TENM3: variants seen among roughly 807,000 people sequenced by gnomAD.
TENM3 encodes teneurin-3.
A neutral mutation model predicts 255.1 loss-of-function variants in TENM3; 63 were observed. That is an observed-to-expected ratio of 0.25 (90% CI 0.20 to 0.30). The LOEUF (loss-of-function observed/expected upper bound fraction) is 0.30, where lower values mean the gene tolerates loss of function less well. Ranked by LOEUF, TENM3 falls within the 10% of genes least tolerant of loss-of-function variation. The probability of loss-of-function intolerance (pLI) is 1.00; values close to 1 mark genes in which losing one functional copy is unlikely to be tolerated. For synonymous variants in TENM3, 1,306 were observed against 1,322.3 expected (o/e 0.99, Z 0.27); for missense variants, 2,929 against 3,461.1 (o/e 0.85, Z 3.86).
At chr4:182,356,553 G>A (rs1205942309) in intron 3 of TENM3, among the ~76,000 whole-genome samples, 1 of 151,240 alleles carries the variant, frequency 6.6e-6, no homozygotes, top group Non-Finnish European at 1.5e-5. Flanking sequence ...TTAAGGAAAG[G>A]GACGGAGCGG....
At chr4:182,368,809 G>A (rs2150839217) in intron 3 of TENM3, among the ~76,000 whole-genome samples, 1 of 152,296 alleles carries the variant, frequency 6.6e-6, no homozygotes. Flanking sequence ...GGCATGTGCA[G>A]CCCATCTGTA....
the TENM3 span, among the ~76,000 whole-genome samples, chr4:181,587,083 A>G: frequency 1.3e-5 from 2 of 152,176 alleles, no homozygotes; most frequent in Admixed American, 1.3e-4. Context: ...CCTCCTGTTT[A>G]ACCAACAAAC....
In TENM3 at chr4:182,680,632, G is replaced by A. The variant is rs572633385; in HGVS notation, c.1729G>A (p.Val577Met). Residue 577 changes from valine (V) to methionine (M), a missense_variant, in exon 10 of 28, where the codon GTG (valine) becomes ATG (methionine). By Grantham distance (21) the Val-to-Met change is conservative (BLOSUM62 1). Coordinates refer to ENST00000511685, the MANE Select transcript of TENM3 (RefSeq NM_001080477.4). ...FSGWKGTECD[V>M]PTTQCIDPQC... is the part of the protein sequence containing the mutation. ...CGGCTGGAAGGGCACCGAGTGTGAT[G>A]TGCCGACTACCCAGTGTATTGACCC... 4 of 1,613,602 alleles carry A rather than the reference G, an allele frequency of 2.5e-6. No individual in the cohort carries two copies. In the East Asian group the frequency reaches 6.7e-5, roughly 27 times the overall value.
intron 1 of TENM3, among the ~76,000 whole-genome samples, chr4:182,146,509 C>T (rs1269107349): frequency 6.6e-6 from 1 of 152,096 alleles, no homozygotes; most frequent in Non-Finnish European, 1.5e-5. Context: ...CTTCCTGTTG[C>T]ATTTCCCTTA....
the TENM3 span, among the ~76,000 whole-genome samples, chr4:181,629,412 G>A: frequency 1.3e-5 from 2 of 152,132 alleles, no homozygotes; most frequent in Non-Finnish European, 2.9e-5. Context: ...CCTGTCTTGT[G>A]CCAGTTTTCA....
chr4:181,449,235 C>A, the TENM3 span, among the ~76,000 whole-genome samples: 4 of 152,078 alleles, frequency 2.6e-5, no homozygotes, highest in Admixed American at 2.6e-4. Context: ...CAAATCAAGA[C>A]GGTGCAGTTT....
intron 22 of TENM3, among the ~76,000 whole-genome samples, chr4:182,762,938 A>T (rs1274290974): frequency 6.6e-6 from 1 of 152,154 alleles, no homozygotes; most frequent in Non-Finnish European, 1.5e-5. Context: ...TTCAAAAAAG[A>T]TTTCCTAGAC....
intron 3 of TENM3, among the ~76,000 whole-genome samples, chr4:182,481,772 G>C (rs1026880089): frequency 6.6e-6 from 1 of 152,116 alleles, no homozygotes; most frequent in Non-Finnish European, 1.5e-5. Context: ...TGCAGCCTGG[G>C]CAACAGAGTG....
chr4:181,652,002 T>C, the TENM3 span, among the ~76,000 whole-genome samples: 8 of 152,212 alleles, frequency 5.3e-5, no homozygotes, highest in Admixed American at 3.9e-4. Flanking sequence ...CATGTGCATC[T>C]CATACTTGTG....
the TENM3 span, among the ~76,000 whole-genome samples, chr4:181,614,294 G>C: frequency 6.6e-6 from 1 of 151,982 alleles, no homozygotes; most frequent in Non-Finnish European, 1.5e-5. Flanking sequence ...CCTGCAAACT[G>C]CCTGCCTAGT....
chr4:181,799,672 C>A, the TENM3 span, among the ~76,000 whole-genome samples: 2 of 152,134 alleles, frequency 1.3e-5, no homozygotes, highest in African/African-American at 4.8e-5. Context: ...AAGAGGCTAG[C>A]GCATTAAGAC....
chr4:181,877,782 G>A, the TENM3 span, among the ~76,000 whole-genome samples: 1 of 152,146 alleles, frequency 6.6e-6, no homozygotes, highest in Non-Finnish European at 1.5e-5. Flanking sequence ...CCTTAAGGAA[G>A]TACCACATGC....
intron 19 of TENM3, among the ~76,000 whole-genome samples, chr4:182,744,464 G>A (rs1168148241): frequency 3.3e-5 from 5 of 151,972 alleles, no homozygotes; most frequent in Non-Finnish European, 5.9e-5. Context: ...GTTACTGACC[G>A]ACACAATCTA....
the TENM3 span, among the ~76,000 whole-genome samples, chr4:181,645,151 G>A: frequency 3.0e-4 from 45 of 152,290 alleles, no homozygotes; most frequent in Admixed American, 5.9e-4. Flanking sequence ...TTTCTAGGGC[G>A]AAAAATGAAA....
At chr4:181,927,042 C>G in the TENM3 span, among the ~76,000 whole-genome samples, 1 of 152,182 alleles carries the variant, frequency 6.6e-6, no homozygotes, top group Non-Finnish European at 1.5e-5. Context: ...CCTTGGGTGC[C>G]TATGCCACCA....
chr4:182,205,671 CA>C (rs1320102152), intron 1 of TENM3, among the ~76,000 whole-genome samples: 2 of 152,268 alleles, frequency 1.3e-5, no homozygotes, highest in Admixed American at 1.3e-4. Context: ...CATCGTTTTC[CA>C]GTAGACAACT....
At chr4:182,705,686 A>T (rs1758224452) in intron 12 of TENM3, among the ~76,000 whole-genome samples, 1 of 152,186 alleles carries the variant, frequency 6.6e-6, no homozygotes, top group South Asian at 2.1e-4. Flanking sequence ...ACCTTGTTCC[A>T]TGTCTCAGCC....
At chr4:181,767,541 C>A in the TENM3 span, among the ~76,000 whole-genome samples, 2 of 152,014 alleles carry the variant, frequency 1.3e-5, no homozygotes, top group Admixed American at 1.3e-4. Context: ...TTTCTTGTCT[C>A]TGTGGTCTAT....
At chr4:181,577,445 T>G in the TENM3 span, among the ~76,000 whole-genome samples, 3 of 151,854 alleles carry the variant, frequency 2.0e-5, no homozygotes, top group East Asian at 1.9e-4. Context: ...ATCAGAACCT[T>G]TCATGGATTC....
Sources: allele counts gnomAD v4.1 joint callset (sites outside exome capture counted in the v4.1 genomes callset), GRCh38; gene constraint gnomAD v4.1.1; transcripts MANE v1.5; gene names NCBI Gene and HGNC (gene_info 2026-07-23, HGNC 2026-07-21).